Variants in VSTM4 observed in about 807,000 individuals in gnomAD.
VSTM4 encodes the protein V-set and transmembrane domain-containing protein 4.
VSTM4 carries 20 observed loss-of-function variants against 36.4 expected under a neutral mutation model. That is an observed-to-expected ratio of 0.55 (90% CI 0.39 to 0.80). The LOEUF is 0.80. VSTM4 is among the 30% of genes least tolerant of loss of function. The probability of loss-of-function intolerance (pLI) is 0.00; values close to 1 mark genes in which losing one functional copy is unlikely to be tolerated. For missense variants in VSTM4, 392 were observed against 404.5 expected (o/e 0.97, Z 0.26); for synonymous variants, 182 against 173.9 (o/e 1.05, Z -0.37).
Position 49,058,955 on chromosome 10 carries a change from G to C in VSTM4, c.668+5748C>G, listed in dbSNP as rs146787553. ...CCCATTTGCCCATGGCAGCAGCACA[G>C]AGCAGGCAGACAGATGAGGGTGCTG... On this transcript the variant is annotated intron_variant, in intron 5 of 7. Coordinates refer to ENST00000332853, the MANE Select transcript of VSTM4 (RefSeq NM_001031746.5). 8.2e-3 allele frequency among the ~76,000 whole-genome samples: 1,243 copies of C among 152,348 alleles called. 20 individuals carry two copies. The highest frequency in any genetic ancestry group is 0.029 in the African/African-American group (1,191 of 41,578).
At chr10:49,028,467 A>G (rs1285909401) in intron 7 of VSTM4, among the ~76,000 whole-genome samples, 1 of 152,198 alleles carries the variant, frequency 6.6e-6, no homozygotes, top group Non-Finnish European at 1.5e-5. Context: ...ATAATCATGG[A>G]AAGTATGTCC....
At chr10:49,069,458 C>T (rs1946166318) in intron 4 of VSTM4, among the ~76,000 whole-genome samples, 1 of 152,236 alleles carries the variant, frequency 6.6e-6, no homozygotes, top group African/African-American at 2.4e-5. Flanking sequence ...GACCACAGTA[C>T]TCTCCCCATC....
At chr10:49,051,098 G>A (rs894363930) in intron 5 of VSTM4, among the ~76,000 whole-genome samples, 28 of 152,168 alleles carry the variant, frequency 1.8e-4, no homozygotes, top group African/African-American at 6.5e-4. Context: ...CACTCTTGAT[G>A]TACAGTATAT....
At chr10:49,082,250 A>C (rs1275466557) in intron 3 of VSTM4, among the ~76,000 whole-genome samples, 1 of 152,252 alleles carries the variant, frequency 6.6e-6, no homozygotes, top group Non-Finnish European at 1.5e-5. Flanking sequence ...TTGGCTCAAA[A>C]GTTTTAAAAC....
chr10:49,025,135 C>T (rs1256866219), intron 7 of VSTM4, among the ~76,000 whole-genome samples: 1 of 151,974 alleles, frequency 6.6e-6, no homozygotes, highest in East Asian at 1.9e-4. Context: ...CCTGCCAGCA[C>T]CTTGAGCTCA....
chr10:49,055,860 A>T (rs1687092072), intron 5 of VSTM4, among the ~76,000 whole-genome samples: 1 of 152,258 alleles, frequency 6.6e-6, no homozygotes, highest in Admixed American at 6.5e-5. Context: ...GGAGTCACCT[A>T]TCATGACCTT....
intron 3 of VSTM4, among the ~76,000 whole-genome samples, chr10:49,080,212 T>G (rs1380058419): frequency 6.6e-6 from 1 of 152,262 alleles, no homozygotes; most frequent in Non-Finnish European, 1.5e-5. Flanking sequence ...AAAGCCCTTG[T>G]GGCGTGGAGA....
intron 2 of VSTM4, chr10:49,103,781 G>A (rs762812216): frequency 2.1e-5 from 34 of 1,613,948 alleles, no homozygotes; most frequent in Non-Finnish European, 2.6e-5. Flanking sequence ...TTAAGTCTGC[G>A]GTGAAGGGCA....
chr10:49,065,202 A>C (rs1843951390), intron 4 of VSTM4, among the ~76,000 whole-genome samples: 1 of 152,182 alleles, frequency 6.6e-6, no homozygotes, highest in Admixed American at 6.5e-5. Context: ...CTTGGACCAA[A>C]ACCTCCTCCT....
At chr10:49,046,599 G>A (rs1393938795) in intron 7 of VSTM4, among the ~76,000 whole-genome samples, 1 of 152,306 alleles carries the variant, frequency 6.6e-6, no homozygotes, top group Non-Finnish European at 1.5e-5. Flanking sequence ...CAACTTTTCT[G>A]TAAATCTAAA....
At chr10:49,031,384 A>T (rs1016887713) in intron 7 of VSTM4, among the ~76,000 whole-genome samples, 1 of 152,216 alleles carries the variant, frequency 6.6e-6, no homozygotes, top group Non-Finnish European at 1.5e-5. Context: ...GCATAAAAAC[A>T]TGTAATGTGC....
intron 5 of VSTM4, among the ~76,000 whole-genome samples, chr10:49,055,977 ACCCAGAAAGGATGCCAGAC>A: frequency 6.6e-6 from 1 of 152,366 alleles, no homozygotes; most frequent in African/African-American, 2.4e-5. Flanking sequence ...GTGCCTATGC[ACCCAGAAAGGATGCCAGAC>A]CCTTGCGGGT....
At chr10:49,028,580 T>C (rs532333509) in intron 7 of VSTM4, among the ~76,000 whole-genome samples, 1 of 152,240 alleles carries the variant, frequency 6.6e-6, no homozygotes, top group Non-Finnish European at 1.5e-5. Flanking sequence ...AAGCTCTTAA[T>C]GGATAGTTTC....
At chr10:49,038,414 T>C (rs1356361960) in intron 7 of VSTM4, among the ~76,000 whole-genome samples, 2 of 152,110 alleles carry the variant, frequency 1.3e-5, no homozygotes, top group Non-Finnish European at 2.9e-5. Context: ...GTCAAATTCA[T>C]TGAGACAGAA....
chr10:49,040,802 C>G (rs1843510046), intron 7 of VSTM4, among the ~76,000 whole-genome samples: 1 of 152,112 alleles, frequency 6.6e-6, no homozygotes, highest in African/African-American at 2.4e-5. Flanking sequence ...AATAGGCGCC[C>G]AATAAATGGA....
intron 2 of VSTM4, among the ~76,000 whole-genome samples, chr10:49,093,998 C>T (rs1159439081): frequency 2.0e-5 from 3 of 152,160 alleles, no homozygotes; most frequent in Admixed American, 6.5e-5. Context: ...CCACCCACCT[C>T]GGCCTCCCAA....
intron 2 of VSTM4, among the ~76,000 whole-genome samples, chr10:49,105,107 GAGAC>G (rs1279933076): frequency 6.6e-6 from 1 of 151,164 alleles, no homozygotes; most frequent in East Asian, 1.9e-4. Context: ...GAGGGAGAGA[GAGAC>G]AGAGAGAGAT....
chr10:49,042,250 C>G (rs143918117), intron 7 of VSTM4, among the ~76,000 whole-genome samples: 1 of 152,278 alleles, frequency 6.6e-6, no homozygotes, highest in Non-Finnish European at 1.5e-5. Context: ...TGCCAATGGC[C>G]TATTAAAATA....
intron 2 of VSTM4, chr10:49,102,881 C>T: frequency 4.4e-6 from 2 of 456,446 alleles, no homozygotes; most frequent in Non-Finnish European, 5.8e-6. Flanking sequence ...GTCTGGGATC[C>T]CAGAGAAACA....
Sources: gnomAD v4.1 joint callset for allele counts (sites outside exome capture counted in the v4.1 genomes callset) on GRCh38, gnomAD v4.1.1 for gene constraint, MANE v1.5 for transcripts, NCBI Gene and HGNC (gene_info 2026-07-23, HGNC 2026-07-21) for gene names.